The following ZNRF3 variants were observed in gnomAD, a reference collection of about 807,000 sequenced individuals.
ZNRF3 encodes the protein zinc and ring finger 3.
A neutral mutation model predicts 72.5 loss-of-function variants in ZNRF3; 23 were observed. The observed-to-expected ratio is 0.32, with a 90% CI of 0.23 to 0.45. ZNRF3 has a LOEUF of 0.45. ZNRF3 is among the 20% of genes least tolerant of loss of function. The pLI is 1.00. For missense variants in ZNRF3, 1,169 were observed against 1,272.1 expected (o/e 0.92, Z 1.23); for synonymous variants, 610 against 545.3 (o/e 1.12, Z -1.65).
At position 29,050,661 on chromosome 22, in the gene ZNRF3, A is replaced by G; in HGVS notation, c.2480A>G (p.Gln827Arg). 1 of 1,612,346 alleles carries G rather than the reference A, an allele frequency of 6.2e-7. No homozygotes were observed. The highest frequency in any genetic ancestry group is 8.5e-7 in the Non-Finnish European group (1 of 1,179,598). Residue 827 changes from glutamine to arginine, a missense_variant, in exon 8 of 9, where the codon CAG (glutamine) becomes CGG (arginine). Coordinates refer to ENST00000544604, the MANE Select transcript of ZNRF3 (RefSeq NM_001206998.2). ...TACCCCGGGGCCCGGGACCTGAGCCAGCGCATCCCCATCATTCCAGAGGAT... is the reference window on the plus strand; with the variant it reads ...TACCCCGGGGCCCGGGACCTGAGCCGGCGCATCCCCATCATTCCAGAGGAT... ...GCYPGARDLS[Q>R]RIPIIPEDVD...
intron 1 of ZNRF3, among the ~76,000 whole-genome samples, chr22:28,909,115 A>G (rs2034267940): frequency 6.6e-6 from 1 of 152,026 alleles, no homozygotes; most frequent in Non-Finnish European, 1.5e-5. Flanking sequence ...CATGTTGCCC[A>G]GGCTGGTCTC....
In ZNRF3 at chr22:29,049,893, G is replaced by A. The variant is rs747307527; in HGVS notation, c.1712G>A (p.Cys571Tyr). The A allele has an allele frequency of 1.2e-6, 2 of 1,603,378 alleles. No individual in the cohort carries two copies. The highest frequency in any genetic ancestry group is 3.4e-5 in the Admixed American group (2 of 59,192). Reference sequence around the variant, plus strand: ...TCCTCCAGTGACTCTGTGGTAGACTGCACTGAGGTCAGCAACCAGGGCGTG... The same window carrying A: ...TCCTCCAGTGACTCTGTGGTAGACTACACTGAGGTCAGCAACCAGGGCGTG... ...HCSSSDSVVD[C>Y]TEVSNQGVYG... The change falls in exon 8 of 9, where the codon TGC (cysteine) becomes TAC (tyrosine). Residue 571 changes from cysteine (C) to tyrosine (Y), a missense_variant. Coordinates refer to ENST00000544604, the MANE Select transcript of ZNRF3 (RefSeq NM_001206998.2). The surrounding 1 kb of genome is among the most constrained non-coding windows in gnomAD (Gnocchi z 5.2).
Position 29,050,498 on chromosome 22 carries a change from A to C in ZNRF3, c.2317A>C (p.Lys773Gln), listed in dbSNP as rs756700090. 4 of 1,612,784 alleles carry C rather than the reference A, an allele frequency of 2.5e-6. No individual in the cohort carries two copies. In the South Asian group the frequency reaches 4.4e-5, roughly 18 times the overall value. The change falls in exon 8 of 9, where the codon AAA (lysine) becomes CAA (glutamine). Residue 773 changes from lysine to glutamine, a missense_variant. Physicochemically the swap from Lys to Gln is moderately conservative, Grantham distance 53 (BLOSUM62 1). Around this residue, in one of 2 missense-constraint regions of ZNRF3, gnomAD observed 783 missense variants for 731.4 expected, o/e 1.07. Coordinates refer to ENST00000544604, the MANE Select transcript of ZNRF3 (RefSeq NM_001206998.2). Reference sequence around the variant, plus strand: ...CCATTTGCCCAGGACAGATGGGGTGAAATACGAGGGTCTGCCCTGCTGCTT... The same window carrying C: ...CCATTTGCCCAGGACAGATGGGGTGCAATACGAGGGTCTGCCCTGCTGCTT... The part of the protein sequence containing the change: ...PDHLPRTDGV[K>Q]YEGLPCCFYE...
At chr22:29,028,372 G>A (rs2036683871) in intron 2 of ZNRF3, among the ~76,000 whole-genome samples, 1 of 152,106 alleles carries the variant, frequency 6.6e-6, no homozygotes, top group Admixed American at 6.5e-5. Context: ...TCCTTATGTT[G>A]ACTACATGAG....
At chr22:29,052,784 G>C (rs2037230846) in intron 8 of ZNRF3, among the ~76,000 whole-genome samples, 1 of 151,670 alleles carries the variant, frequency 6.6e-6, no homozygotes, top group Admixed American at 6.6e-5. Context: ...GACCAGCCTG[G>C]GGAACATAGA....
chr22:28,976,254 CA>C (rs1267528500), intron 1 of ZNRF3, among the ~76,000 whole-genome samples: 2 of 152,080 alleles, frequency 1.3e-5, no homozygotes, highest in Non-Finnish European at 2.9e-5. Flanking sequence ...GACCCTGTCT[CA>C]AAAAATAAAT....
At chr22:28,902,478 G>T (rs907184330) in intron 1 of ZNRF3, among the ~76,000 whole-genome samples, 1 of 151,892 alleles carries the variant, frequency 6.6e-6, no homozygotes, top group Non-Finnish European at 1.5e-5. Context: ...CCTGTCCTGC[G>T]CTCAAATGAT....
chr22:29,041,290 G>A (rs777996303), intron 2 of ZNRF3, among the ~76,000 whole-genome samples: 27 of 152,024 alleles, frequency 1.8e-4, no homozygotes, highest in Non-Finnish European at 3.1e-4. Context: ...CTACAGTTAC[G>A]TCCTGCCACA....
intron 2 of ZNRF3, among the ~76,000 whole-genome samples, chr22:28,994,567 C>G (rs1206678686): frequency 7.3e-5 from 11 of 151,716 alleles, no homozygotes; most frequent in Non-Finnish European, 1.6e-4. Flanking sequence ...ATGGTGGTTG[C>G]TGGGGTGGGG....
intron 1 of ZNRF3, among the ~76,000 whole-genome samples, chr22:28,939,283 C>A (rs75125450): frequency 0.01 from 1,283 of 128,130 alleles, no homozygotes; most frequent in Admixed American, 0.012. Flanking sequence ...GGCTCTATCT[C>A]AAAAAAAAAA....
At chr22:28,956,695 G>C (rs569471326) in intron 1 of ZNRF3, among the ~76,000 whole-genome samples, 42 of 152,268 alleles carry the variant, frequency 2.8e-4, no homozygotes, top group African/African-American at 1.0e-3. Context: ...CTCTACTCCT[G>C]CTTTGACTTC....
chr22:28,979,206 T>G (rs1303627125), intron 1 of ZNRF3, among the ~76,000 whole-genome samples: 1 of 152,220 alleles, frequency 6.6e-6, no homozygotes, highest in African/African-American at 2.4e-5. Context: ...GGATTTCTCT[T>G]TATTTCTCTA....
At chr22:28,935,414 TGCCCTTA>T (rs2034802182) in intron 1 of ZNRF3, among the ~76,000 whole-genome samples, 1 of 152,222 alleles carries the variant, frequency 6.6e-6, no homozygotes, top group Non-Finnish European at 1.5e-5. Flanking sequence ...CATTCCTCTC[TGCCCTTA>T]GCCCTGTTGT....
chr22:29,044,863 A>G lies in ZNRF3; in HGVS notation c.717A>G (p.Lys239=). 1.2e-6 allele frequency: 2 copies of G among 1,613,882 alleles called. No individual in the cohort carries two copies. The highest frequency in any genetic ancestry group is 1.7e-6 in the Non-Finnish European group (2 of 1,179,960). The part of the protein sequence containing the change: ...VSLVCLILLV[K]IKLKQRRSQN... ...TGGTCTGCCTCATCCTCCTTGTCAA[A>G]ATCAAGCTGAAGCAGCGACGCAGTC... Residue 239 remains lysine (K), a synonymous_variant, in exon 5 of 9, where the codon AAA becomes AAG. Transcript: ENST00000544604.
intron 2 of ZNRF3, among the ~76,000 whole-genome samples, chr22:29,001,897 C>T (rs2123843201): frequency 6.6e-6 from 1 of 152,292 alleles, no homozygotes; most frequent in Non-Finnish European, 1.5e-5. Context: ...GTTGTCCTTA[C>T]TGTAGTATTT....
intron 1 of ZNRF3, among the ~76,000 whole-genome samples, chr22:28,900,194 C>T (rs1036471048): frequency 6.6e-6 from 1 of 152,150 alleles, no homozygotes; most frequent in African/African-American, 2.4e-5. Flanking sequence ...CCTCCTCCCC[C>T]AGCTCCTTAT....
rs574473221 is a variant in ZNRF3, at chr22:28,901,928, T to G, written c.300+17862T>G. On this transcript the variant is annotated intron_variant, in intron 1 of 8. Coordinates refer to ENST00000544604, the MANE Select transcript of ZNRF3 (RefSeq NM_001206998.2). ...GTATTCCTAATCACCAACTTTTAAG[T>G]TAACTTTTTTTTTTTTTTTTTTTTT... 1.0e-4 allele frequency among the ~76,000 whole-genome samples: 15 copies of G among 149,266 alleles called. No homozygotes were observed. The East Asian group carries it at 2.9e-3, about 29-fold the overall frequency.
rs1312208816 is a variant in ZNRF3, at chr22:29,044,769, T to A, written c.634-11T>A. ...GAGGCTGTGACTCACTGTGTCTGTG[T>A]TCCGTTCCAGCAACCCACTGAATAC... is the stretch of plus-strand genomic sequence containing the variant. On this transcript the variant is annotated splice_polypyrimidine_tract_variant and intron_variant, in intron 4 of 8. Transcript: ENST00000544604. 1.2e-6 allele frequency: 2 copies of A among 1,600,222 alleles called. No individual in the cohort carries two copies. Among genetic ancestry groups the A allele is most frequent in the Non-Finnish European group, 1.7e-6 (2 of 1,167,492 alleles).
chr22:29,050,037 G>C lies in ZNRF3; in HGVS notation c.1856G>C (p.Gly619Ala), dbSNP rs1357558078. The C allele has an allele frequency of 3.7e-6, 6 of 1,609,616 alleles. No homozygotes were observed. Among genetic ancestry groups the C allele is most frequent in the African/African-American group, 1.3e-5 (1 of 75,024 alleles). Residue 619 changes from glycine to alanine, a missense_variant, in exon 8 of 9, where the codon GGA becomes GCA. Gly to Ala is a moderately conservative substitution (Grantham distance 60, BLOSUM62 0). This residue lies in a region of ZNRF3 where 783 missense variants were observed against 731.4 expected (regional missense o/e 1.07). Transcript: ENST00000544604. Reference protein sequence around the residue: ...EAGGSGSSGRGPALCFEGSPP... With the variant: ...EAGGSGSSGRAPALCFEGSPP... ...GGGGGCTCGGGCAGCTCGGGCCGGG[G>C]ACCTGCCCTGTGCTTCGAGGGCTCC...
Sources: allele counts gnomAD v4.1 joint callset (sites outside exome capture counted in the v4.1 genomes callset), GRCh38; gene constraint gnomAD v4.1.1; regional missense constraint gnomAD v4.1.1; non-coding constraint Gnocchi (gnomAD v3.1); transcripts MANE v1.5; gene names NCBI Gene and HGNC (gene_info 2026-07-23, HGNC 2026-07-21).